The following RBM6 variants were observed in gnomAD, a reference collection of about 807,000 sequenced individuals.
RBM6 encodes the protein RNA-binding protein 6.
RBM6 carries 23 observed loss-of-function variants against 140.4 expected under a neutral mutation model. The observed-to-expected ratio is 0.16, with a 90% CI of 0.12 to 0.23. The LOEUF (loss-of-function observed/expected upper bound fraction) is 0.23, where lower values mean the gene tolerates loss of function less well. Ranked by LOEUF, RBM6 falls within the 10% of genes least tolerant of loss-of-function variation. The probability of loss-of-function intolerance (pLI) is 1.00; values close to 1 mark genes in which losing one functional copy is unlikely to be tolerated. For synonymous variants in RBM6, 439 were observed against 475.6 expected (o/e 0.92, Z 1.00); for missense variants, 1,139 against 1,386.7 (o/e 0.82, Z 2.84).
In RBM6 at chr3:49,967,769, T is replaced by G; in HGVS notation, c.344T>G (p.Phe115Cys). Residue 115 changes from phenylalanine to cysteine, a missense_variant, in exon 3 of 21, where the codon TTC becomes TGC. Transcript: ENST00000266022. The surrounding 1 kb of genome is among the most constrained non-coding windows in gnomAD (Gnocchi z 4.0). ...FQSRDSSQLD[F>C]RGRDIHSGDF... ...AGCAGAGATTCATCACAGTTGGACT[T>G]CAGGGGTAGGGACATACATTCTGGG... The G allele has an allele frequency of 6.2e-7, 1 of 1,614,090 alleles. No homozygotes were observed. The highest frequency in any genetic ancestry group is 1.1e-5 in the South Asian group (1 of 91,068).
At chr3:49,971,856 T>C (rs979151332) in intron 3 of RBM6, among the ~76,000 whole-genome samples, 1 of 152,214 alleles carries the variant, frequency 6.6e-6, no homozygotes, top group African/African-American at 2.4e-5. Flanking sequence ...ACTCTTTCAG[T>C]GAGACTTGGT....
At chr3:49,989,663 A>G (rs2085727853) in intron 5 of RBM6, among the ~76,000 whole-genome samples, 3 of 152,214 alleles carry the variant, frequency 2.0e-5, no homozygotes. Context: ...TAATGTGCAT[A>G]TGCCAACTCT....
intron 6 of RBM6, among the ~76,000 whole-genome samples, chr3:50,027,411 A>G (rs538484671): frequency 6.6e-6 from 1 of 152,292 alleles, no homozygotes; most frequent in African/African-American, 2.4e-5. Context: ...ATATTCATAA[A>G]ATTGTGCAAC....
rs546807992 is a variant in RBM6 at position 49,965,595 on chromosome 3, G to A, written c.45-1875G>A. ...TGAGGCAGGAGAATGGCGTGAACCC[G>A]GGAGGCGGAGCTTGCAGTGAGCCAA... is the stretch of plus-strand genomic sequence containing the variant. On this transcript the variant is annotated intron_variant, in intron 2 of 20. Coordinates refer to ENST00000266022, the MANE Select transcript of RBM6 (RefSeq NM_005777.3). Among the ~76,000 whole-genome samples the A allele has an allele frequency of 6.3e-4, 96 of 152,034 alleles. 3 individuals carry two copies. The South Asian group carries it at 0.018, about 28-fold the overall frequency.
Position 50,057,916 on chromosome 3 carries a change from C to T in RBM6, c.1882C>T (p.Pro628Ser). 1 of 1,614,132 alleles carries T rather than the reference C, an allele frequency of 6.2e-7. No individual in the cohort carries two copies. The highest frequency in any genetic ancestry group is 2.2e-5 in the East Asian group (1 of 44,878). ...GAGAGAAGCAGAAAGGTATCTGCCT[C>T]CTTCTCGAAGGGAAGGGCCAACTTT... ...QKREAERYLP[P>S]SRREGPTFRR... The change falls in exon 9 of 21, where the codon CCT (proline) becomes TCT (serine). Residue 628 changes from proline to serine, a missense_variant. Physicochemically the swap from Pro to Ser is moderately conservative, Grantham distance 74. This residue lies in a region of RBM6 where 109 missense variants were observed against 101.9 expected (regional missense o/e 1.07). Transcript: ENST00000266022.
chr3:50,019,335 T>C (rs1482434503), intron 6 of RBM6, among the ~76,000 whole-genome samples: 1 of 152,006 alleles, frequency 6.6e-6, no homozygotes, highest in Non-Finnish European at 1.5e-5. Flanking sequence ...CTCCTTTGGG[T>C]ATTTCTATTG....
intron 6 of RBM6, among the ~76,000 whole-genome samples, chr3:50,037,819 CTTTTTTT>C (rs11328228): frequency 7.8e-6 from 1 of 127,516 alleles, no homozygotes; most frequent in East Asian, 2.2e-4. Flanking sequence ...CTTTTCTTTC[CTTTTTTT>C]TTTTTTTTTT....
chr3:49,953,095 G>A (rs1258250142), intron 1 of RBM6, among the ~76,000 whole-genome samples: 1 of 151,676 alleles, frequency 6.6e-6, no homozygotes, highest in Non-Finnish European at 1.5e-5. Context: ...TTGCTCTGTT[G>A]CCCAGGCTGG....
intron 5 of RBM6, among the ~76,000 whole-genome samples, chr3:49,990,683 A>G (rs1385592222): frequency 6.6e-6 from 1 of 152,192 alleles, no homozygotes; most frequent in Non-Finnish European, 1.5e-5. Context: ...GGAAACCTTA[A>G]CTAAGAATAG....
chr3:50,000,973 A>T (rs371406026), intron 6 of RBM6, among the ~76,000 whole-genome samples: 35 of 152,278 alleles, frequency 2.3e-4, no homozygotes, highest in Admixed American at 4.6e-4. Context: ...AGCTTGTCAG[A>T]TCCTTAAAGA....
chr3:49,940,777 G>A (rs2083249874), intron 1 of RBM6: 1 of 152,416 alleles, frequency 6.6e-6, no homozygotes, highest in Admixed American at 6.6e-5. Flanking sequence ...GGCAATGAAG[G>A]AGAAGGATGT....
At chr3:50,003,295 C>A (rs2086425468) in intron 6 of RBM6, among the ~76,000 whole-genome samples, 1 of 134,280 alleles carries the variant, frequency 7.4e-6, no homozygotes, top group Non-Finnish European at 1.5e-5. Context: ...AATAGTGAGA[C>A]CCTGTCTAAA....
chr3:49,964,938 T>G (rs768120039), intron 2 of RBM6, among the ~76,000 whole-genome samples: 34 of 152,334 alleles, frequency 2.2e-4, no homozygotes, highest in East Asian at 1.9e-3. Context: ...TTTAACATCT[T>G]TGACTAGGAG....
chr3:50,035,742 C>G (rs2088496726), intron 6 of RBM6, among the ~76,000 whole-genome samples: 1 of 151,820 alleles, frequency 6.6e-6, no homozygotes, highest in Admixed American at 6.6e-5. Flanking sequence ...AAAGGTCTCC[C>G]TTTTTATGAT....
chr3:50,062,515 A>C (rs989681733), intron 15 of RBM6, among the ~76,000 whole-genome samples: 3 of 152,024 alleles, frequency 2.0e-5, no homozygotes, highest in Non-Finnish European at 2.9e-5. Flanking sequence ...AAAAAAAAAA[A>C]AAACCTCTGT....
rs368376344 is a variant in RBM6 at position 49,967,648 on chromosome 3, T to C, written c.223T>C (p.Tyr75His). Residue 75 changes from tyrosine (Y) to histidine (H), a missense_variant, in exon 3 of 21, where the codon TAT becomes CAT. Physicochemically the swap from Tyr to His is moderately conservative, Grantham distance 83. Transcript: ENST00000266022. This position sits in a 1 kb window ranked among gnomAD's most constrained non-coding sequence, Gnocchi z 4.0. Reference sequence around the variant, plus strand: ...AAATGTAGAGGAGCATTCTTTCAGCTATGGAGCTAGAGACGGACCGCATGG... The same window carrying C: ...AAATGTAGAGGAGCATTCTTTCAGCCATGGAGCTAGAGACGGACCGCATGG... ...FANVEEHSFS[Y>H]GARDGPHGDY... The C allele has an allele frequency of 1.9e-5, 31 of 1,614,044 alleles. No homozygotes were observed. The highest frequency in any genetic ancestry group is 2.6e-5 in the Non-Finnish European group (31 of 1,180,034).
At chr3:50,075,071 G>A (rs2090416706) in intron 19 of RBM6, 130 bp from the exon 20 acceptor site, 20 of 1,082,446 alleles carry the variant, frequency 1.8e-5, no homozygotes, top group Middle Eastern at 2.9e-4. Context: ...CAGGAGAATC[G>A]CCTGAACCCA....
At chr3:50,043,487 CAAAA>C (rs11434039) in intron 6 of RBM6, among the ~76,000 whole-genome samples, 26 of 141,312 alleles carry the variant, frequency 1.8e-4, no homozygotes, top group Non-Finnish European at 2.9e-4. Context: ...GACCCTGTCT[CAAAA>C]AAAAAAAAGA....
chr3:50,047,114 AT>A, intron 6 of RBM6: 1 of 962,166 alleles, frequency 1.0e-6, no homozygotes, highest in Non-Finnish European at 1.2e-6. Flanking sequence ...CAAGACAATA[AT>A]TTTATCCTGT....
Sources: allele counts gnomAD v4.1 joint callset (sites outside exome capture counted in the v4.1 genomes callset), GRCh38; gene constraint gnomAD v4.1.1; regional missense constraint gnomAD v4.1.1; non-coding constraint Gnocchi (gnomAD v3.1); transcripts MANE v1.5; gene names NCBI Gene and HGNC (gene_info 2026-07-23, HGNC 2026-07-21).